Variants in ZNF365 observed in about 807,000 individuals in gnomAD.
The protein encoded by ZNF365 is protein ZNF365.
A neutral mutation model predicts 35.0 loss-of-function variants in ZNF365; 22 were observed. The ratio of observed to expected loss-of-function variants is 0.63; its 90% CI spans 0.45 to 0.90. The LOEUF (loss-of-function observed/expected upper bound fraction) is 0.90. Ranked by LOEUF, ZNF365 falls within the 40% of genes least tolerant of loss-of-function variation. ZNF365 has a pLI of 0.00. For missense variants in ZNF365, 448 were observed against 500.3 expected, an observed-to-expected ratio of 0.90 and a Z score of 1.00; for synonymous variants, 188 against 196.2, an observed-to-expected ratio of 0.96 and a Z score of 0.35.
At chr10:62,450,193 G>A (rs1840657602) in intron 3 of ZNF365, among the ~76,000 whole-genome samples, 1 of 152,128 alleles carries the variant, frequency 6.6e-6, no homozygotes, top group Non-Finnish European at 1.5e-5. Context: ...TGGATTTTCA[G>A]TTTCTTGGTA....
intron 3 of ZNF365, among the ~76,000 whole-genome samples, chr10:62,395,731 G>T (rs1036869241): frequency 6.6e-6 from 1 of 151,958 alleles, no homozygotes; most frequent in Non-Finnish European, 1.5e-5. Flanking sequence ...GGAAATGCTC[G>T]TTGGAGCATT....
In ZNF365 at chr10:62,401,500, C is replaced by A. The variant is rs1445289041; in HGVS notation, c.*1711C>A. 1 of 985,220 alleles carries A rather than the reference C, an allele frequency of 1.0e-6. No individual in the cohort carries two copies. Among genetic ancestry groups the A allele is most frequent in the Non-Finnish European group, 1.2e-6 (1 of 829,894 alleles). 61.0% of individuals were successfully genotyped at this position (985,220 alleles called of 1,614,324 possible). Reference sequence around the variant, plus strand: ...CTTTCAGTTTATGGGGGGGGTAGATCATTCATGTGATATATAAGCAGCTAT... The same window carrying A: ...CTTTCAGTTTATGGGGGGGGTAGATAATTCATGTGATATATAAGCAGCTAT... On this transcript the variant is annotated 3_prime_UTR_variant, in exon 5 of 5. Transcript: ENST00000395254.
intron 1 of ZNF365, among the ~76,000 whole-genome samples, chr10:62,375,019 C>G (rs914226991): frequency 6.6e-6 from 1 of 152,196 alleles, no homozygotes; most frequent in Admixed American, 6.5e-5. Context: ...TTGCCTGCCT[C>G]GCTGCCTGGG....
intron 3 of ZNF365, among the ~76,000 whole-genome samples, chr10:62,453,749 C>T (rs1264046331): frequency 6.6e-6 from 1 of 151,792 alleles, no homozygotes; most frequent in Admixed American, 6.6e-5. Context: ...ATTTTTTTCT[C>T]CAAGGAAATA....
chr10:62,448,429 T>A (rs945421926), intron 3 of ZNF365, among the ~76,000 whole-genome samples: 1 of 152,138 alleles, frequency 6.6e-6, no homozygotes. Context: ...GACATACCAA[T>A]GTGGAGGCAG....
At chr10:62,428,170 T>C (rs944729999) in intron 3 of ZNF365, among the ~76,000 whole-genome samples, 2 of 152,168 alleles carry the variant, frequency 1.3e-5, no homozygotes, top group African/African-American at 4.8e-5. Context: ...GTTGGAAATA[T>C]TAGATTTTTA....
chr10:62,468,103 A>T (rs1840974282), intron 4 of ZNF365, among the ~76,000 whole-genome samples: 2 of 152,196 alleles, frequency 1.3e-5, no homozygotes, highest in African/African-American at 2.4e-5. Flanking sequence ...TCGCTTTAAG[A>T]TTATTTATAA....
intron 4 of ZNF365, among the ~76,000 whole-genome samples, chr10:62,464,993 A>T (rs886902539): frequency 1.3e-5 from 2 of 152,192 alleles, no homozygotes; most frequent in Non-Finnish European, 2.9e-5. Flanking sequence ...AGTTGGTGGG[A>T]TGGGAGCCTG....
chr10:62,432,817 T>A (rs897313696), intron 3 of ZNF365, among the ~76,000 whole-genome samples: 3 of 152,184 alleles, frequency 2.0e-5, no homozygotes, highest in African/African-American at 7.2e-5. Flanking sequence ...TCAGTAAGAT[T>A]GATGAAAATC....
chr10:62,397,525 AG>A (rs1384141822), intron 3 of ZNF365, among the ~76,000 whole-genome samples: 1 of 152,218 alleles, frequency 6.6e-6, no homozygotes, highest in Non-Finnish European at 1.5e-5. Context: ...GATCAGGATC[AG>A]GGGGATGGAA....
At chr10:62,449,834 A>C (rs1161595177) in intron 3 of ZNF365, among the ~76,000 whole-genome samples, 1 of 147,254 alleles carries the variant, frequency 6.8e-6, no homozygotes, top group East Asian at 1.9e-4. Flanking sequence ...TTTTTTGTAG[A>C]ACATTTGAAC....
At chr10:62,427,693 G>C (rs549321818) in intron 3 of ZNF365, among the ~76,000 whole-genome samples, 1 of 152,244 alleles carries the variant, frequency 6.6e-6, no homozygotes, top group Admixed American at 6.5e-5. Flanking sequence ...TGTTACCCTG[G>C]AGGAATGTTG....
intron 4 of ZNF365, among the ~76,000 whole-genome samples, chr10:62,472,909 A>C (rs540836624): frequency 6.6e-6 from 1 of 152,336 alleles, no homozygotes; most frequent in East Asian, 1.9e-4. Context: ...ACTTAGGGTG[A>C]AAACAGAGTC....
chr10:62,426,108 A>G (rs986973310), intron 3 of ZNF365, among the ~76,000 whole-genome samples: 3 of 151,974 alleles, frequency 2.0e-5, no homozygotes, highest in Admixed American at 1.3e-4. Flanking sequence ...CAAACTCTTC[A>G]TCTTTGCCCC....
intron 3 of ZNF365, among the ~76,000 whole-genome samples, chr10:62,397,286 A>G (rs935504088): frequency 2.0e-5 from 3 of 150,768 alleles, no homozygotes; most frequent in African/African-American, 7.3e-5. Context: ...TTTTTTTTTT[A>G]AGGAACTTCC....
chr10:62,465,541 C>T lies in ZNF365; in HGVS notation c.981+5744C>T, dbSNP rs1840927941. ...AGAACTCATGGTGTTTTTTCAGGCCCACCCATGGCTTCCCATGGACCAATC... is the reference window on the plus strand; with the variant it reads ...AGAACTCATGGTGTTTTTTCAGGCCTACCCATGGCTTCCCATGGACCAATC... On this transcript the variant is annotated intron_variant, in intron 4 of 4. Coordinates refer to the ZNF365 transcript ENST00000395255. Among the ~76,000 whole-genome samples, 4 of 152,230 alleles carry T rather than the reference C, an allele frequency of 2.6e-5. No individual in the cohort carries two copies. In the South Asian group the frequency reaches 8.3e-4, roughly 32 times the overall value.
intron 2 of ZNF365, among the ~76,000 whole-genome samples, chr10:62,387,038 A>C (rs540180541): frequency 6.6e-6 from 1 of 152,360 alleles, no homozygotes; most frequent in Admixed American, 6.5e-5. Context: ...TTTTGGAGAC[A>C]TGTAAAGGAA....
intron 3 of ZNF365, among the ~76,000 whole-genome samples, chr10:62,447,845 AG>A (rs1025806447): frequency 6.6e-6 from 1 of 152,184 alleles, no homozygotes; most frequent in Admixed American, 6.5e-5. Flanking sequence ...ATGGAAGCTG[AG>A]CAGTCAGTGT....
rs145952676 is a variant in ZNF365, at chr10:62,376,447, T to G, written c.254T>G (p.Leu85Trp). 9 of 1,614,030 alleles carry G rather than the reference T, an allele frequency of 5.6e-6. No individual in the cohort carries two copies. The highest frequency in any genetic ancestry group is 7.6e-6 in the Non-Finnish European group (9 of 1,180,040). Residue 85 changes from leucine (L) to tryptophan (W), a missense_variant, in exon 2 of 5, where the codon TTG (leucine) becomes TGG (tryptophan). Leu to Trp is a moderately conservative substitution (Grantham distance 61). This residue lies in a region of ZNF365 where 76 missense variants were observed against 96.7 expected (regional missense o/e 0.79). Transcript: ENST00000395254. ...TCAGAACTCCTGAAACCGGGAAAAT[T>G]GCAGAGCAGTGGCAACGTGGTAAAG... ...TSSELLKPGKLQSSGNVVKQK... is the reference protein window; with the variant it reads ...TSSELLKPGKWQSSGNVVKQK...
Sources: gnomAD v4.1 joint callset for allele counts (sites outside exome capture counted in the v4.1 genomes callset) on GRCh38, gnomAD v4.1.1 for gene constraint, gnomAD v4.1.1 regional missense constraint, MANE v1.5 for transcripts, NCBI Gene and HGNC (gene_info 2026-07-23, HGNC 2026-07-21) for gene names.